Variants in ANKRD42 observed in about 807,000 individuals in gnomAD.
The protein encoded by ANKRD42 is ankyrin repeat domain 42.
Under a neutral mutation model 51.5 loss-of-function variants are expected in ANKRD42, and 43 were observed. The observed-to-expected ratio is 0.83, with a 90% CI of 0.65 to 1.08. The LOEUF (loss-of-function observed/expected upper bound fraction) is 1.08. ANKRD42 is among the 50% of genes least tolerant of loss of function. The probability of loss-of-function intolerance (pLI) is 0.00; values close to 1 mark genes in which losing one functional copy is unlikely to be tolerated. For synonymous variants in ANKRD42, 203 were observed against 213.0 expected (o/e 0.95, Z 0.41); for missense variants, 608 against 629.3 (o/e 0.97, Z 0.36).
At chr11:83,195,143 C>T (rs534204422) in intron 1 of ANKRD42, among the ~76,000 whole-genome samples, 1 of 152,300 alleles carries the variant, frequency 6.6e-6, no homozygotes, top group East Asian at 1.9e-4. Context: ...TTAAATGCAG[C>T]TTTTACCCCT....
intron 7 of ANKRD42, among the ~76,000 whole-genome samples, chr11:83,228,592 G>C (rs973970346): frequency 6.6e-6 from 1 of 152,068 alleles, no homozygotes. Flanking sequence ...TAATATAATC[G>C]TGTTTGAATT....
At chr11:83,252,645 T>C (rs1214075293), downstream of ANKRD42, among the ~76,000 whole-genome samples, 3 of 152,076 alleles carry the variant, frequency 2.0e-5, no homozygotes, top group Non-Finnish European at 4.4e-5. Context: ...GTAAGATAAA[T>C]CAAGTCAGTA....
chr11:83,245,361 C>A, intron 9 of ANKRD42, 137 bp from the exon 10 acceptor site: 1 of 848,264 alleles, frequency 1.2e-6, no homozygotes, highest in Non-Finnish European at 1.8e-6. Flanking sequence ...TTTGTATATA[C>A]CAACCTTCCT....
At position 83,217,243 on chromosome 11, in the gene ANKRD42, C is replaced by T. The variant is rs150108326; in HGVS notation, c.586+5813C>T. On this transcript the variant is annotated intron_variant, in intron 5 of 10. Coordinates refer to ENST00000533342, the MANE Select transcript of ANKRD42 (RefSeq NM_001300975.2). Reference sequence around the variant, plus strand: ...TATTCCAGGGTACTGAATGTTCAAGCTCCTTTTTCCTCTCTTAAATGTCTA... The same window carrying T: ...TATTCCAGGGTACTGAATGTTCAAGTTCCTTTTTCCTCTCTTAAATGTCTA... 1.1e-3 allele frequency among the ~76,000 whole-genome samples: 164 copies of T among 152,284 alleles called. 1 individual carries two copies. The highest frequency in any genetic ancestry group is 3.7e-3 in the African/African-American group (155 of 41,570).
chr11:83,194,579 G>A lies in ANKRD42; in HGVS notation c.-92G>A. 2 of 1,303,062 alleles carry A rather than the reference G, an allele frequency of 1.5e-6. No homozygotes were observed. Among genetic ancestry groups the A allele is most frequent in the East Asian group, 2.3e-5 (1 of 42,600 alleles). 80.7% of individuals were successfully genotyped at this position (1,303,062 alleles called of 1,614,324 possible). The stretch of plus-strand genomic sequence containing the variant: ...GACGACGGAGAAGAGGGCCGCTGCC[G>A]CTGCAGTGGCTCGTGGGTGAGAGCA... On this transcript the variant is annotated 5_prime_UTR_variant, in exon 1 of 11. Coordinates refer to ENST00000533342, the MANE Select transcript of ANKRD42 (RefSeq NM_001300975.2).
At chr11:83,225,462 G>A (rs1862849290) in intron 6 of ANKRD42, among the ~76,000 whole-genome samples, 1 of 151,922 alleles carries the variant, frequency 6.6e-6, no homozygotes, top group South Asian at 2.1e-4. Flanking sequence ...CTACTTGGGA[G>A]GCCGAGGTGG....
intron 5 of ANKRD42, chr11:83,213,359 T>A (rs1269155933): frequency 6.3e-7 from 1 of 1,579,046 alleles, no homozygotes; most frequent in African/African-American, 1.3e-5. Context: ...TCCATCGGAG[T>A]CACACCAACC....
chr11:83,221,532 G>T (rs1375667880), intron 5 of ANKRD42, among the ~76,000 whole-genome samples: 1 of 152,156 alleles, frequency 6.6e-6, no homozygotes, highest in African/African-American at 2.4e-5. Context: ...GGGTATGTTT[G>T]TATAGAGATT....
chr11:83,257,515 CTTAA>C (rs1210223220), downstream of ANKRD42, among the ~76,000 whole-genome samples: 2 of 152,166 alleles, frequency 1.3e-5, no homozygotes, highest in Non-Finnish European at 2.9e-5. Context: ...TTAACTATCT[CTTAA>C]TTCTCACAAG....
intron 1 of ANKRD42, among the ~76,000 whole-genome samples, chr11:83,197,236 G>A (rs1234205717): frequency 1.7e-4 from 26 of 152,214 alleles, no homozygotes; most frequent in Non-Finnish European, 5.9e-5. Flanking sequence ...ACTCTCTGAG[G>A]ACATTGCTGT....
At chr11:83,223,330 A>C (rs1862771877) in intron 5 of ANKRD42, among the ~76,000 whole-genome samples, 1 of 152,224 alleles carries the variant, frequency 6.6e-6, no homozygotes, top group African/African-American at 2.4e-5. Flanking sequence ...ATGCGTAAGA[A>C]ATAGGGAGAG....
At chr11:83,211,228 GC>G (rs1384743163) in intron 4 of ANKRD42, 66 bp from the exon 5 acceptor site, 1 of 1,587,402 alleles carries the variant, frequency 6.3e-7, no homozygotes, top group African/African-American at 1.3e-5. Flanking sequence ...ACAGAATTAA[GC>G]TGCTAGGCTT....
intron 2 of ANKRD42, among the ~76,000 whole-genome samples, chr11:83,203,851 A>T (rs1861964232): frequency 6.6e-6 from 1 of 152,188 alleles, no homozygotes; most frequent in Non-Finnish European, 1.5e-5. Flanking sequence ...TTTTTTTCAG[A>T]TGAAATCTGC....
chr11:83,204,523 G>A (rs920806967), intron 2 of ANKRD42, among the ~76,000 whole-genome samples: 4 of 152,060 alleles, frequency 2.6e-5, no homozygotes, highest in Non-Finnish European at 4.4e-5. Flanking sequence ...CTACCTGTTT[G>A]GTAACCTGGT....
At chr11:83,195,821 G>T (rs918528718) in intron 1 of ANKRD42, among the ~76,000 whole-genome samples, 1 of 149,152 alleles carries the variant, frequency 6.7e-6, no homozygotes, top group Non-Finnish European at 1.5e-5. Context: ...ATTCTTACAT[G>T]ATCTACCTAC....
rs1862939389 is a variant in ANKRD42, at chr11:83,227,886, C to T, written c.913+14C>T. On this transcript the variant is annotated intron_variant, in intron 7 of 10. Transcript: ENST00000533342. ...CTATGCATAAAGGTGAGTTATGATT[C>T]CTCCTTTCAGTTCGGATACAATAGC... 6.3e-7 allele frequency: 1 copy of T among 1,589,170 alleles called. No homozygotes were observed. Among genetic ancestry groups the T allele is most frequent in the Non-Finnish European group, 8.5e-7 (1 of 1,171,072 alleles).
chr11:83,225,782 GAAA>G (rs59860833), intron 6 of ANKRD42, among the ~76,000 whole-genome samples: 129 of 88,772 alleles, frequency 1.5e-3, no homozygotes, highest in Middle Eastern at 6.3e-3. Context: ...CTCCATCCTG[GAAA>G]AAAAAAAAAA....
intron 4 of ANKRD42, 128 bp downstream of exon 4, chr11:83,210,547 C>T (rs1862274247): frequency 8.5e-7 from 1 of 1,170,886 alleles, no homozygotes. Flanking sequence ...TTTAATTTTT[C>T]TCTCTAGCTT....
chr11:83,234,539 G>T (rs1863171188), intron 7 of ANKRD42, among the ~76,000 whole-genome samples: 1 of 151,832 alleles, frequency 6.6e-6, no homozygotes, highest in African/African-American at 2.4e-5. Context: ...AAAAATCTTG[G>T]GTAAAATTCT....
Sources: gnomAD v4.1 joint callset for allele counts (sites outside exome capture counted in the v4.1 genomes callset) on GRCh38, gnomAD v4.1.1 for gene constraint, MANE v1.5 for transcripts, NCBI Gene and HGNC (gene_info 2026-07-23, HGNC 2026-07-21) for gene names.